The following ELP1 variants were observed in gnomAD, a reference collection of about 807,000 sequenced individuals.
ELP1 encodes elongator complex protein 1.
ELP1 carries 131 observed loss-of-function variants against 183.2 expected under a neutral mutation model. That is an observed-to-expected ratio of 0.72 (90% CI 0.62 to 0.83). The LOEUF (loss-of-function observed/expected upper bound fraction) is 0.83, where lower values mean the gene tolerates loss of function less well. Ranked by LOEUF, ELP1 falls within the 40% of genes least tolerant of loss-of-function variation. The probability of loss-of-function intolerance (pLI) is 0.00; values close to 1 mark genes in which losing one functional copy is unlikely to be tolerated. For synonymous variants in ELP1, 555 were observed against 569.0 expected (o/e 0.98, Z 0.35); for missense variants, 1,550 against 1,594.9 (o/e 0.97, Z 0.48).
rs766569938 is a variant in ELP1, at chr9:108,878,005, G to C, written c.3845C>G (p.Ser1282Ter). The C allele has an allele frequency of 6.2e-7, 1 of 1,614,184 alleles. No homozygotes were observed. The highest frequency in any genetic ancestry group is 8.5e-7 in the Non-Finnish European group (1 of 1,180,020). Residue 1282 changes from serine (S) to a stop codon, truncating the protein, a stop_gained, in exon 35 of 37, where the codon TCA (serine) becomes TGA (stop). Transcript: ENST00000374647. LOFTEE classifies it high-confidence loss of function. Reference protein sequence around the residue: ...EIWTLTYQQNSATPVLGPNST... With the variant: ...EIWTLTYQQN ...TCTGAGAAAACTTACCGGGGTAGCT[G>C]AATTCTGCTGGTAAGTAAGAGTCCA...
In ELP1 at chr9:108,878,025, A is replaced by G. The variant is rs1234173300; in HGVS notation, c.3825T>C (p.Thr1275=). The change falls in exon 35 of 37, where the codon ACT becomes ACC. Residue 1275 remains threonine, a synonymous_variant. Coordinates refer to ENST00000374647, the MANE Select transcript of ELP1 (RefSeq NM_003640.5). ...TAGCTGAATTCTGCTGGTAAGTAAG[A>G]GTCCAAATTTCTGGAAGTGACCTTT... ...LMERSLPEIW[T]LTYQQNSATP... is the part of the protein sequence containing the mutation. 1 of 1,614,114 alleles carries G rather than the reference A, an allele frequency of 6.2e-7. No homozygotes were observed. The highest frequency in any genetic ancestry group is 1.7e-5 in the Admixed American group (1 of 60,006).
At chr9:108,926,355 T>G (rs561258065) in intron 5 of ELP1, among the ~76,000 whole-genome samples, 168 bp downstream of exon 5, 67 of 152,292 alleles carry the variant, frequency 4.4e-4, no homozygotes, top group African/African-American at 1.5e-3. Flanking sequence ...TCAGTAGGCC[T>G]TTTAAGATTT....
chr9:108,898,691 T>G lies in ELP1; in HGVS notation c.2263A>C (p.Ile755Leu). 6.2e-7 allele frequency: 1 copy of G among 1,612,970 alleles called. No individual in the cohort carries two copies. Among genetic ancestry groups the G allele is most frequent in the Non-Finnish European group, 8.5e-7 (1 of 1,179,276 alleles). The change falls in exon 21 of 37, where the codon ATT (isoleucine) becomes CTT (leucine). Residue 755 changes from isoleucine to leucine, a missense_variant. Transcript: ENST00000374647. ...GTTACCTTAGGGTTATGATCATAAA[T>G]CAGATTGAGATTGATTCTCAGCTTT... ...MRKLRINLNLIYDHNPKVFLG... is the reference protein window; with the variant it reads ...MRKLRINLNLLYDHNPKVFLG...
intron 1 of ELP1, among the ~76,000 whole-genome samples, chr9:108,933,414 CCACGGAGAT>C (rs1830064251): frequency 6.6e-6 from 1 of 152,236 alleles, no homozygotes; most frequent in African/African-American, 2.4e-5. Context: ...GCCACTGTCT[CCACGGAGAT>C]CATCGTTAAC....
chr9:108,901,647 A>T lies in ELP1; in HGVS notation c.1889T>A (p.Phe630Tyr). ...TGATACCTCAATGTCATTGATGAAA[A>T]AGCGACACCTGTCAGTCAGACCAAG... The part of the protein sequence containing the change: ...CVLGLTDRCR[F>Y]FINDIEVASN... The change falls in exon 17 of 37, where the codon TTT becomes TAT. Residue 630 changes from phenylalanine (F) to tyrosine (Y), a missense_variant. Coordinates refer to ENST00000374647, the MANE Select transcript of ELP1 (RefSeq NM_003640.5). 6.2e-7 allele frequency: 1 copy of T among 1,614,238 alleles called. No individual in the cohort carries two copies. Among genetic ancestry groups the T allele is most frequent in the Non-Finnish European group, 8.5e-7 (1 of 1,180,016 alleles).
At chr9:108,904,252 T>G (rs1172823133) in intron 14 of ELP1, among the ~76,000 whole-genome samples, 1 of 151,088 alleles carries the variant, frequency 6.6e-6, no homozygotes, top group Non-Finnish European at 1.5e-5. Context: ...ACTATTTTTT[T>G]TTTTTTTTTT....
Position 108,917,644 on chromosome 9 carries a change from G to A in ELP1, c.767C>T (p.Thr256Ile), listed in dbSNP as rs1829497213. 6.2e-7 allele frequency: 1 copy of A among 1,613,880 alleles called. No individual in the cohort carries two copies. Among genetic ancestry groups the A allele is most frequent in the South Asian group, 1.1e-5 (1 of 91,078 alleles). Residue 256 changes from threonine (T) to isoleucine (I), a missense_variant, in exon 9 of 37, where the codon ACA becomes ATA. Thr to Ile is a moderately conservative substitution (Grantham distance 89). Transcript: ENST00000374647. ...ATCCTGCTGGTTGGGTTTATCTTGT[G>A]TAGATGCAATCAAACTGCCTGAGGG... ...WKPSGSLIAS[T>I]QDKPNQQDIV... is the part of the protein sequence containing the mutation.
rs148221146 is a variant in ELP1, at chr9:108,898,756, G to A, written c.2205-7C>T. Reference sequence around the variant, plus strand: ...TGCCTCTTTAAACATAAGTCTGTGAGAAGACAGAGAAAGAATAGAAAAGAT... The same window carrying A: ...TGCCTCTTTAAACATAAGTCTGTGAAAAGACAGAGAAAGAATAGAAAAGAT... On this transcript the variant is annotated splice_region_variant and splice_polypyrimidine_tract_variant and intron_variant, in intron 20 of 36. Coordinates refer to ENST00000374647, the MANE Select transcript of ELP1 (RefSeq NM_003640.5). The A allele has an allele frequency of 1.9e-5, 31 of 1,592,196 alleles. No individual in the cohort carries two copies. The African/African-American group carries it at 3.9e-4, about 20-fold the overall frequency.
At position 108,897,148 on chromosome 9, in the gene ELP1, T is replaced by C. The variant is rs764026138; in HGVS notation, c.2501A>G (p.Lys834Arg). The C allele has an allele frequency of 1.1e-5, 18 of 1,614,162 alleles. No homozygotes were observed. Among genetic ancestry groups the C allele is most frequent in the Admixed American group, 1.7e-5 (1 of 60,016 alleles). ...TGCCACCTGGTGACAGCATACATAC[T>C]TATGAGGATTTATGCTCTCCATGAC... Reference protein sequence around the residue: ...RAVMESINPHKYCLSILTSHV... With the variant: ...RAVMESINPHRYCLSILTSHV... Residue 834 changes from lysine (K) to arginine (R), a missense_variant and splice_region_variant, in exon 23 of 37, where the codon AAA (lysine) becomes AGA (arginine). By Grantham distance (26) the Lys-to-Arg change is conservative (BLOSUM62 2). Coordinates refer to ENST00000374647, the MANE Select transcript of ELP1 (RefSeq NM_003640.5).
chr9:108,894,234 A>C (rs572400178), intron 25 of ELP1, among the ~76,000 whole-genome samples, 168 bp from the exon 26 acceptor site: 1 of 152,316 alleles, frequency 6.6e-6, no homozygotes, highest in African/African-American at 2.4e-5. Context: ...GTTGTCCCCC[A>C]GTATCTATGG....
intron 1 of ELP1, among the ~76,000 whole-genome samples, chr9:108,933,390 C>T (rs538463110): frequency 1.3e-5 from 2 of 152,186 alleles, no homozygotes; most frequent in Non-Finnish European, 2.9e-5. Flanking sequence ...GTACTGGGAT[C>T]TGAAGATTAC....
chr9:108,882,352 T>A (rs145411012), intron 29 of ELP1, among the ~76,000 whole-genome samples, 165 bp from the exon 30 acceptor site: 370 of 152,174 alleles, frequency 2.4e-3, no homozygotes, highest in Middle Eastern at 0.01. Flanking sequence ...CCATAAATAT[T>A]GATACAAAAG....
chr9:108,922,948 C>G (rs775368979), intron 5 of ELP1, 21 bp from the exon 6 acceptor site: 4 of 1,545,510 alleles, frequency 2.6e-6, no homozygotes, highest in Non-Finnish European at 3.6e-6. Flanking sequence ...ATTGGCAAGA[C>G]AACTAATAAG....
chr9:108,932,097 A>G (rs1052688755), intron 1 of ELP1, among the ~76,000 whole-genome samples: 2 of 152,208 alleles, frequency 1.3e-5, no homozygotes, highest in Non-Finnish European at 2.9e-5. Flanking sequence ...CTTTAATCCA[A>G]GGAGACTTCT....
At chr9:108,902,814 A>C (rs374791568) in intron 16 of ELP1, 25 bp downstream of exon 16, 2 of 1,569,768 alleles carry the variant, frequency 1.3e-6, no homozygotes, top group East Asian at 2.2e-5. Flanking sequence ...ACTTTAAGTA[A>C]ATTTCCTGCT....
Position 108,908,288 on chromosome 9 carries a change from G to A in ELP1, c.1460+17C>T, listed in dbSNP as rs370311344. On this transcript the variant is annotated intron_variant, in intron 13 of 36. Coordinates refer to ENST00000374647, the MANE Select transcript of ELP1 (RefSeq NM_003640.5). The stretch of plus-strand genomic sequence containing the variant: ...GCTGATTCTGTTCCCAGAAGCCCAA[G>A]ATAATTAAGAACCTACTTGTATCTC... 15 of 1,583,746 alleles carry A rather than the reference G, an allele frequency of 9.5e-6. No individual in the cohort carries two copies. Among genetic ancestry groups the A allele is most frequent in the Non-Finnish European group, 1.1e-5 (13 of 1,152,424 alleles).
At chr9:108,874,448 A>G (rs1827617301) in intron 36 of ELP1, among the ~76,000 whole-genome samples, 1 of 152,232 alleles carries the variant, frequency 6.6e-6, no homozygotes, top group African/African-American at 2.4e-5. Flanking sequence ...TTTGCCTTCA[A>G]ATTATATTGT....
intron 33 of ELP1, 152 bp from the exon 34 acceptor site, chr9:108,878,902 G>A: frequency 1.3e-6 from 1 of 779,990 alleles, no homozygotes; most frequent in Non-Finnish European, 2.1e-6. Context: ...AATTCAGTTT[G>A]AATATATAAT....
At chr9:108,908,255 G>GCATGCTGGCTGATTCTGTTCC (rs1564093374) in intron 13 of ELP1, 50 bp downstream of exon 13, 3 of 1,353,770 alleles carry the variant, frequency 2.2e-6, no homozygotes, top group Non-Finnish European at 3.2e-6. Flanking sequence ...ATTTAGGACT[G>GCATGCTGGCTGATTCTGTTCC]CATGCTGGCT....
Sources: gnomAD v4.1 joint callset for allele counts (sites outside exome capture counted in the v4.1 genomes callset) on GRCh38, gnomAD v4.1.1 for gene constraint, MANE v1.5 for transcripts, NCBI Gene and HGNC (gene_info 2026-07-23, HGNC 2026-07-21) for gene names.